RASA3: variants seen among roughly 807,000 people sequenced by gnomAD.
The protein encoded by RASA3 is ras GTPase-activating protein 3.
A neutral mutation model predicts 110.0 loss-of-function variants in RASA3; 73 were observed. The observed-to-expected ratio is 0.66, with a 90% CI of 0.55 to 0.81. RASA3 has a LOEUF of 0.81. RASA3 is among the 30% of genes least tolerant of loss of function. RASA3 has a pLI of 0.00. For missense variants in RASA3, 976 were observed against 1,113.2 expected, an observed-to-expected ratio of 0.88 and a Z score of 1.75; for synonymous variants, 500 against 451.4, an observed-to-expected ratio of 1.11 and a Z score of -1.37.
At chr13:114,016,670 C>T (rs537894112) in intron 12 of RASA3, among the ~76,000 whole-genome samples, 9 of 152,268 alleles carry the variant, frequency 5.9e-5, no homozygotes, top group South Asian at 4.1e-4. Flanking sequence ...CCAGCCCACA[C>T]GGACTAGGCC....
intron 1 of RASA3, among the ~76,000 whole-genome samples, chr13:114,074,144 C>T (rs1195561924): frequency 6.6e-6 from 1 of 152,222 alleles, no homozygotes; most frequent in Non-Finnish European, 1.5e-5. Flanking sequence ...TACAATTTTC[C>T]ATCTCTGACC....
At chr13:114,041,430 G>A (rs1216354507) in intron 3 of RASA3, among the ~76,000 whole-genome samples, 5 of 152,280 alleles carry the variant, frequency 3.3e-5, no homozygotes, top group Non-Finnish European at 2.9e-5. Context: ...GTCCCTTCCA[G>A]TAAGGCGTTC....
chr13:114,081,116 G>A (rs891819406), intron 1 of RASA3, among the ~76,000 whole-genome samples: 1 of 152,192 alleles, frequency 6.6e-6, no homozygotes, highest in Non-Finnish European at 1.5e-5. Flanking sequence ...CGTGGCAGAG[G>A]GCCGTCCACC....
rs574511523 is a variant in RASA3 at position 114,105,912 on chromosome 13, G to A, written c.55+26523C>T. 7.9e-5 allele frequency among the ~76,000 whole-genome samples: 12 copies of A among 152,276 alleles called. No homozygotes were observed. In the South Asian group the frequency reaches 2.5e-3, roughly 32 times the overall value. ...GGAATCAGCGTGGGGGAAAGGAAGC[G>A]GGCATTCCACAGTGCAAGACTCTGA... On this transcript the variant is annotated intron_variant, in intron 1 of 23. Coordinates refer to ENST00000334062, the MANE Select transcript of RASA3 (RefSeq NM_007368.4).
At chr13:114,036,662 G>C (rs998509392) in intron 4 of RASA3, among the ~76,000 whole-genome samples, 1 of 152,168 alleles carries the variant, frequency 6.6e-6, no homozygotes, top group South Asian at 2.1e-4. Context: ...CTCAACCTCC[G>C]GAGTAGCTGG....
intron 2 of RASA3, among the ~76,000 whole-genome samples, chr13:114,062,770 A>C (rs991429536): frequency 2.0e-5 from 3 of 152,222 alleles, no homozygotes; most frequent in Non-Finnish European, 4.4e-5. Context: ...CAGACAGTGG[A>C]AACAAGGCAG....
At chr13:114,021,169 G>A (rs1260304897) in intron 9 of RASA3, among the ~76,000 whole-genome samples, 1 of 152,248 alleles carries the variant, frequency 6.6e-6, no homozygotes, top group South Asian at 2.1e-4. Context: ...GCCATTGTGA[G>A]TCCCTGCTCA....
intron 21 of RASA3, among the ~76,000 whole-genome samples, chr13:113,993,595 G>T (rs2053166899): frequency 6.6e-6 from 1 of 151,374 alleles, no homozygotes; most frequent in East Asian, 2.0e-4. Flanking sequence ...ATCATCTGAA[G>T]TCAGGAGTTC....
intron 17 of RASA3, 111 bp downstream of exon 17, chr13:114,009,276 A>T: frequency 1.1e-6 from 1 of 908,362 alleles, no homozygotes; most frequent in Non-Finnish European, 1.8e-6. Context: ...TTTATTGTTT[A>T]AAATCGCTAA....
intron 1 of RASA3, among the ~76,000 whole-genome samples, chr13:114,081,638 C>T (rs753707889): frequency 1.3e-5 from 2 of 152,182 alleles, no homozygotes; most frequent in African/African-American, 2.4e-5. Flanking sequence ...GGAAAGAAGG[C>T]GATTGCAGAC....
intron 9 of RASA3, 53 bp from the exon 10 acceptor site, chr13:114,018,972 G>A (rs533106811): frequency 7.3e-5 from 118 of 1,605,742 alleles, no homozygotes; most frequent in Non-Finnish European, 9.7e-5. Flanking sequence ...CTGCCAAGGA[G>A]CAGCTCTCAG....
rs3215879 is a variant in RASA3 at position 114,015,378 on chromosome 13, AGGT to A, written c.1282-49_1282-47del. The A allele has an allele frequency of 4.2e-5, 68 of 1,606,858 alleles. No homozygotes were observed. In the East Asian group the frequency reaches 1.3e-3, roughly 32 times the overall value. On this transcript the variant is annotated intron_variant, in intron 13 of 23. Coordinates refer to ENST00000334062, the MANE Select transcript of RASA3 (RefSeq NM_007368.4). Reference sequence around the variant, plus strand: ...GGGACCCACTCCCGAGGCTGCCCACAGGTGCGTGTAGCACCAGGGCACGCCCAG... The same window carrying A: ...GGGACCCACTCCCGAGGCTGCCCACAGCGTGTAGCACCAGGGCACGCCCAG...
At chr13:114,097,217 G>C (rs2079958263) in intron 1 of RASA3, among the ~76,000 whole-genome samples, 1 of 152,246 alleles carries the variant, frequency 6.6e-6, no homozygotes, top group African/African-American at 2.4e-5. Flanking sequence ...AGAGGCCTGG[G>C]TGGTCTTAGT....
chr13:114,112,321 C>A lies in RASA3; in HGVS notation c.55+20114G>T, dbSNP rs991269507. 6.6e-6 allele frequency among the ~76,000 whole-genome samples: 1 copy of A among 152,192 alleles called. No individual in the cohort carries two copies. The highest frequency in any genetic ancestry group is 1.5e-5 in the Non-Finnish European group (1 of 68,030). ...AGTCTTCTAGGGGGCCTGGGGCAGC[C>A]GGAACCTGGCCGGGTGGAGGATTTC... is the stretch of plus-strand genomic sequence containing the variant. On this transcript the variant is annotated intron_variant, in intron 1 of 23. Transcript: ENST00000334062. The surrounding 1 kb of genome is among the most constrained non-coding windows in gnomAD (Gnocchi z 4.8).
chr13:114,058,590 C>T (rs563732268), intron 2 of RASA3, among the ~76,000 whole-genome samples: 2 of 152,378 alleles, frequency 1.3e-5, no homozygotes, highest in Non-Finnish European at 2.9e-5. Flanking sequence ...GCATCTCCTT[C>T]CCTCTCAGAG....
rs554543182 is a variant in RASA3 at position 114,067,733 on chromosome 13, G to A, written c.173+5987C>T. Among the ~76,000 whole-genome samples the A allele has an allele frequency of 7.9e-5, 12 of 152,272 alleles. 1 individual carries two copies. The highest frequency in any genetic ancestry group is 3.4e-3 in the Middle Eastern group (1 of 294). On this transcript the variant is annotated intron_variant, in intron 2 of 23. Transcript: ENST00000334062. ...CCACTGCGTGCACACAGGACGGGAC[G>A]GGCTTCCACCCAGAAGAGCTCAGAG... is the stretch of plus-strand genomic sequence containing the variant.
intron 17 of RASA3, among the ~76,000 whole-genome samples, chr13:114,008,664 C>T (rs865851643): frequency 4.5e-3 from 3 of 670 alleles, no homozygotes; most frequent in Admixed American, 0.011. Flanking sequence ...GCGGTCTGGA[C>T]GTTCCCCACG....
At chr13:114,081,009 G>A (rs375216183) in intron 1 of RASA3, among the ~76,000 whole-genome samples, 6,289 of 94,260 alleles carry the variant, frequency 0.067, no homozygotes, top group East Asian at 0.11. Flanking sequence ...CGTCCACCTA[G>A]AACACCAAGA....
intron 8 of RASA3, among the ~76,000 whole-genome samples, chr13:114,022,404 G>A (rs548537428): frequency 3.3e-5 from 5 of 152,164 alleles, no homozygotes; most frequent in African/African-American, 4.8e-5. Flanking sequence ...GAAGTCATGC[G>A]TGGCCAGCCC....
Sources: allele counts gnomAD v4.1 joint callset (sites outside exome capture counted in the v4.1 genomes callset), GRCh38; gene constraint gnomAD v4.1.1; non-coding constraint Gnocchi (gnomAD v3.1); transcripts MANE v1.5; gene names NCBI Gene and HGNC (gene_info 2026-07-23, HGNC 2026-07-21).